Variants in LRP5 observed in about 807,000 individuals in gnomAD.
LRP5 encodes the protein LDL receptor related protein 5, also known as low-density lipoprotein receptor-related protein 5.
In LRP5, 62 loss-of-function variants were observed where a neutral mutation model predicts 154.1. That is an observed-to-expected ratio of 0.40 (90% CI 0.33 to 0.50). The LOEUF is 0.50. Ranked by LOEUF, LRP5 falls within the 20% of genes least tolerant of loss-of-function variation. The pLI, the probability that LRP5 is intolerant of heterozygous loss-of-function variation, is 0.55. For missense variants in LRP5, 1,915 were observed against 2,336.7 expected (o/e 0.82, Z 3.72); for synonymous variants, 966 against 1,011.5 (o/e 0.96, Z 0.85).
chr11:68,348,601 C>A (rs2098615667), intron 2 of LRP5, among the ~76,000 whole-genome samples: 1 of 148,370 alleles, frequency 6.7e-6, no homozygotes, highest in Non-Finnish European at 1.5e-5. Context: ...TTAAAATGAA[C>A]CCGTGGGGGG....
At chr11:68,319,072 G>GTTT (rs59893808) in intron 1 of LRP5, among the ~76,000 whole-genome samples, 60 of 92,208 alleles carry the variant, frequency 6.5e-4, no homozygotes, top group Non-Finnish European at 9.0e-4. Context: ...CTGGCTCCTT[G>GTTT]TTTTTTTTTT....
intron 13 of LRP5, among the ~76,000 whole-genome samples, chr11:68,419,543 T>TG (rs1205913952): frequency 7.0e-6 from 1 of 142,398 alleles, no homozygotes; most frequent in African/African-American, 2.6e-5. Flanking sequence ...CATTTTAATT[T>TG]TTTTTTTTTT....
rs570883223 is a variant in LRP5, at chr11:68,436,752, G to A, written c.4001-137G>A. The A allele has an allele frequency of 1.0e-5, 7 of 670,868 alleles. No individual in the cohort carries two copies. The South Asian group carries it at 1.2e-4, about 11-fold the overall frequency. 41.6% of individuals were successfully genotyped at this position (670,868 alleles called of 1,614,324 possible). ...TCGAGGGTGGGTGGAGACTGTACTAGACCACTCCCCGCTGGTCCTAGAAAG... is the reference window on the plus strand; with the variant it reads ...TCGAGGGTGGGTGGAGACTGTACTAAACCACTCCCCGCTGGTCCTAGAAAG... On this transcript the variant is annotated intron_variant, in intron 18 of 22. Coordinates refer to ENST00000294304, the MANE Select transcript of LRP5 (RefSeq NM_002335.4).
intron 13 of LRP5, among the ~76,000 whole-genome samples, chr11:68,417,617 C>T (rs373106709): frequency 2.6e-5 from 4 of 151,642 alleles, no homozygotes; most frequent in African/African-American, 4.8e-5. Context: ...TGAGCCACCG[C>T]GGCCGGCCAG....
chr11:68,391,492 G>A (rs2098646311), intron 7 of LRP5, among the ~76,000 whole-genome samples: 2 of 152,204 alleles, frequency 1.3e-5, no homozygotes, highest in African/African-American at 2.4e-5. Context: ...GGGGAGGCCC[G>A]AATCAGGCAG....
At chr11:68,335,746 A>G (rs142711009) in intron 1 of LRP5, among the ~76,000 whole-genome samples, 1 of 152,316 alleles carries the variant, frequency 6.6e-6, no homozygotes, top group Non-Finnish European at 1.5e-5. Context: ...TTATACAGCA[A>G]AATTGCCCAC....
chr11:68,421,760 G>A (rs2098665876), intron 13 of LRP5, among the ~76,000 whole-genome samples: 1 of 146,210 alleles, frequency 6.8e-6, no homozygotes, highest in Non-Finnish European at 1.5e-5. Context: ...ATGGGGGAGG[G>A]AGGCACCCTT....
At chr11:68,419,561 A>G (rs1224733385) in intron 13 of LRP5, among the ~76,000 whole-genome samples, 1 of 138,804 alleles carries the variant, frequency 7.2e-6, no homozygotes, top group African/African-American at 2.7e-5. Context: ...TTTTTTTGAG[A>G]TGGAGTCTCA....
At chr11:68,443,378 T>C (rs1027983759) in intron 21 of LRP5, among the ~76,000 whole-genome samples, 4 of 147,140 alleles carry the variant, frequency 2.7e-5, no homozygotes, top group Non-Finnish European at 4.5e-5. Flanking sequence ...TGATCCCAGC[T>C]ACTTGGGAGT....
intron 7 of LRP5, among the ~76,000 whole-genome samples, chr11:68,396,904 G>C (rs560530464): frequency 6.6e-6 from 1 of 152,164 alleles, no homozygotes; most frequent in Non-Finnish European, 1.5e-5. Context: ...TGTGAAGCCC[G>C]AGTGGTCGTG....
intron 7 of LRP5, among the ~76,000 whole-genome samples, chr11:68,394,623 G>A (rs3781589): frequency 0.13 from 19,936 of 152,086 alleles, 1,444 homozygotes; most frequent in Non-Finnish European, 0.17. Flanking sequence ...CTGCCACCGC[G>A]CCCGGCTAAT....
chr11:68,435,429 A>G (rs901410880), intron 18 of LRP5, among the ~76,000 whole-genome samples: 2 of 152,136 alleles, frequency 1.3e-5, no homozygotes, highest in African/African-American at 4.8e-5. Context: ...GCTTTGACTC[A>G]TGGTGAAAGT....
At chr11:68,319,425 G>T (rs1179806055) in intron 1 of LRP5, among the ~76,000 whole-genome samples, 1 of 152,144 alleles carries the variant, frequency 6.6e-6, no homozygotes, top group African/African-American at 2.4e-5. Flanking sequence ...TTGCTGCCCA[G>T]GCTGGCCTTG....
In LRP5 at chr11:68,353,907, G is replaced by A. The variant is rs1489122708; in HGVS notation, c.489-3743G>A. Among the ~76,000 whole-genome samples the A allele has an allele frequency of 2.6e-5, 4 of 152,220 alleles. No homozygotes were observed. The highest frequency in any genetic ancestry group is 9.6e-5 in the African/African-American group (4 of 41,460). ...TGGCCCCGTGCGGACATCCAGGCAG[G>A]GTTGAGGGAAGGCACATCCCTCCCA... On this transcript the variant is annotated intron_variant, in intron 2 of 22. Coordinates refer to ENST00000294304, the MANE Select transcript of LRP5 (RefSeq NM_002335.4). This position sits in a 1 kb window ranked among gnomAD's most constrained non-coding sequence, Gnocchi z 4.5.
rs1443013716 is a variant in LRP5, at chr11:68,433,665, G to A, written c.3827G>A (p.Gly1276Glu). 6.2e-7 allele frequency: 1 copy of A among 1,613,454 alleles called. No individual in the cohort carries two copies. Among genetic ancestry groups the A allele is most frequent in the Non-Finnish European group, 8.5e-7 (1 of 1,179,998 alleles). The change falls in exon 18 of 23, where the codon GGG (glycine) becomes GAG (glutamate). Residue 1276 changes from glycine (G) to glutamate (E), a missense_variant. Gly to Glu is a moderately conservative substitution (Grantham distance 98). Coordinates refer to ENST00000294304, the MANE Select transcript of LRP5 (RefSeq NM_002335.4). ...CATGEIDCIP[G>E]AWRCDGFPEC... ...ACAGGGGAGATCGACTGTATCCCCG[G>A]GGCCTGGCGCTGTGACGGCTTTCCC... is the stretch of plus-strand genomic sequence containing the variant.
intron 7 of LRP5, among the ~76,000 whole-genome samples, chr11:68,398,784 G>A (rs1424569335): frequency 1.3e-5 from 2 of 152,102 alleles, no homozygotes; most frequent in African/African-American, 2.4e-5. Context: ...CACCCAGGCT[G>A]GAGTGCAGTG....
chr11:68,348,640 C>T (rs950920912), intron 2 of LRP5, among the ~76,000 whole-genome samples: 12 of 145,982 alleles, frequency 8.2e-5, no homozygotes, highest in Admixed American at 2.0e-4. Context: ...CCCCAGCACT[C>T]GGTGCGACTC....
chr11:68,312,757 CTG>C lies in LRP5; in HGVS notation c.44_45del (p.Leu15ProfsTer136). 1 of 1,083,094 alleles carries C rather than the reference CTG, an allele frequency of 9.2e-7. No individual in the cohort carries two copies. Among genetic ancestry groups the C allele is most frequent in the Non-Finnish European group, 1.1e-6 (1 of 886,248 alleles). The allele number at this position is 1,083,094 out of a possible 1,614,324, so 67.1% of individuals were successfully genotyped here. ...CGGGCCGCCGTGGCCGCTGCTGCTG[CTG>C]CTGCTGCTGCTGCTGGCGCTGTGCG... is the stretch of plus-strand genomic sequence containing the variant. Reference protein sequence around the residue: ...PPGPPWPLLLLLLLLLALCGC... With the variant: ...PPGPPWPLLLXLLLLLALCGC... On this transcript the variant is annotated frameshift_variant, in exon 1 of 23. Coordinates refer to ENST00000294304, the MANE Select transcript of LRP5 (RefSeq NM_002335.4). LOFTEE classifies it high-confidence loss of function.
At chr11:68,375,158 C>A (rs2098636661) in intron 5 of LRP5, among the ~76,000 whole-genome samples, 1 of 152,244 alleles carries the variant, frequency 6.6e-6, no homozygotes, top group Non-Finnish European at 1.5e-5. Context: ...ACTCCTTGCC[C>A]TTTCCGCATT....
Sources: allele counts gnomAD v4.1 joint callset (sites outside exome capture counted in the v4.1 genomes callset), GRCh38; gene constraint gnomAD v4.1.1; non-coding constraint Gnocchi (gnomAD v3.1); transcripts MANE v1.5; gene names NCBI Gene and HGNC (gene_info 2026-07-23, HGNC 2026-07-21).